DOCK3: variants seen among roughly 807,000 people sequenced by gnomAD.
DOCK3 encodes the protein dedicator of cytokinesis 3.
In DOCK3, 60 loss-of-function variants were observed where a neutral mutation model predicts 265.6. That is an observed-to-expected ratio of 0.23 (90% CI 0.18 to 0.28). The LOEUF is 0.28. Among genes scored for constraint, DOCK3 ranks in the 10% least tolerant of loss-of-function variants. The pLI, the probability that DOCK3 is intolerant of heterozygous loss-of-function variation, is 1.00. For missense variants in DOCK3, 1,981 were observed against 2,594.3 expected (o/e 0.76, Z 5.14); for synonymous variants, 881 against 938.0 (o/e 0.94, Z 1.11).
intron 3 of DOCK3, chr3:50,876,864 C>G (rs1282128754): frequency 6.5e-6 from 1 of 153,206 alleles, no homozygotes. Context: ...GCTTGTCCAA[C>G]TCATGGGCCA....
intron 1 of DOCK3, among the ~76,000 whole-genome samples, chr3:50,693,841 T>TA (rs2035428217): frequency 6.6e-6 from 1 of 151,826 alleles, no homozygotes; most frequent in African/African-American, 2.4e-5. Flanking sequence ...CTGGCCTTCC[T>TA]TTTCATATCA....
intron 35 of DOCK3, chr3:51,337,035 G>A (rs758702495): frequency 5.9e-5 from 23 of 390,096 alleles, no homozygotes; most frequent in Non-Finnish European, 9.2e-5. Context: ...CTCTGCTAGC[G>A]CTAAAGGGAC....
At chr3:50,959,697 A>G (rs1157369777) in intron 5 of DOCK3, among the ~76,000 whole-genome samples, 1 of 152,078 alleles carries the variant, frequency 6.6e-6, no homozygotes, top group Non-Finnish European at 1.5e-5. Flanking sequence ...CTCCTGCCTC[A>G]GCCTCCAGAG....
chr3:50,699,765 A>G (rs964541999), intron 1 of DOCK3, among the ~76,000 whole-genome samples: 3 of 152,156 alleles, frequency 2.0e-5, no homozygotes, highest in Non-Finnish European at 4.4e-5. Flanking sequence ...TGTGTCAGCT[A>G]TCAGGAAGGA....
chr3:50,894,089 C>T (rs1482065831), intron 4 of DOCK3, among the ~76,000 whole-genome samples: 4 of 151,580 alleles, frequency 2.6e-5, no homozygotes, highest in South Asian at 2.1e-4. Context: ...TGTAACAAAC[C>T]GGCACGTTGT....
At chr3:50,888,708 A>G (rs556806570) in intron 3 of DOCK3, among the ~76,000 whole-genome samples, 11 of 152,156 alleles carry the variant, frequency 7.2e-5, no homozygotes, top group East Asian at 1.9e-4. Context: ...ATAACTCCGC[A>G]TATCTACAAC....
intron 4 of DOCK3, among the ~76,000 whole-genome samples, chr3:50,902,391 T>C (rs990979258): frequency 1.3e-5 from 2 of 152,356 alleles, no homozygotes; most frequent in East Asian, 3.9e-4. Context: ...TTCAATTTTC[T>C]GCATATGGCT....
chr3:51,216,172 C>A (rs1439005422), intron 14 of DOCK3, among the ~76,000 whole-genome samples: 1 of 152,158 alleles, frequency 6.6e-6, no homozygotes, highest in Admixed American at 6.5e-5. Flanking sequence ...TCTTCACATA[C>A]TTCTGGGATT....
At chr3:50,773,261 C>T (rs997882020) in intron 1 of DOCK3, among the ~76,000 whole-genome samples, 2 of 152,114 alleles carry the variant, frequency 1.3e-5, no homozygotes, top group Non-Finnish European at 2.9e-5. Flanking sequence ...AGACTCCTAT[C>T]TCTTACCATT....
chr3:50,697,106 T>C (rs978383696), intron 1 of DOCK3, among the ~76,000 whole-genome samples: 1 of 151,806 alleles, frequency 6.6e-6, no homozygotes, highest in African/African-American at 2.4e-5. Flanking sequence ...AATTTTTGTA[T>C]TTTTAGTAGA....
intron 15 of DOCK3, among the ~76,000 whole-genome samples, chr3:51,226,934 A>G (rs1202991439): frequency 2.6e-5 from 4 of 152,206 alleles, no homozygotes; most frequent in Non-Finnish European, 5.9e-5. Context: ...AATGTTACAT[A>G]GAGTTGGCTT....
intron 5 of DOCK3, among the ~76,000 whole-genome samples, chr3:51,056,252 T>A (rs2081197537): frequency 1.3e-5 from 2 of 152,144 alleles, no homozygotes; most frequent in South Asian, 4.2e-4. Flanking sequence ...ATTATTTTTA[T>A]TTTATTTATT....
chr3:50,916,901 A>G (rs974779616), intron 4 of DOCK3, among the ~76,000 whole-genome samples: 8 of 151,242 alleles, frequency 5.3e-5, no homozygotes, highest in Non-Finnish European at 1.0e-4. Flanking sequence ...TCCCTTTATG[A>G]GGGGGACAAG....
chr3:51,289,181 T>C (rs2081592534), intron 27 of DOCK3, among the ~76,000 whole-genome samples: 1 of 152,144 alleles, frequency 6.6e-6, no homozygotes, highest in Non-Finnish European at 1.5e-5. Flanking sequence ...CTAAGCAAAC[T>C]AATGCAGGAA....
At chr3:51,350,628 A>G (rs1369850917) in intron 40 of DOCK3, among the ~76,000 whole-genome samples, 1 of 152,154 alleles carries the variant, frequency 6.6e-6, no homozygotes, top group Non-Finnish European at 1.5e-5. Context: ...TGGCTTTCTT[A>G]CTAAATCAAT....
intron 12 of DOCK3, among the ~76,000 whole-genome samples, chr3:51,208,188 G>A (rs116560218): frequency 0.015 from 2,283 of 152,328 alleles, 24 homozygotes; most frequent in South Asian, 0.027. Flanking sequence ...AGCTTTGTCT[G>A]CTAAGTCCTC....
Position 51,356,089 on chromosome 3 carries a change from A to C in DOCK3, c.4250A>C (p.Tyr1417Ser). The C allele has an allele frequency of 1.9e-6, 3 of 1,613,926 alleles. No individual in the cohort carries two copies. Among genetic ancestry groups the C allele is most frequent in the Non-Finnish European group, 2.5e-6 (3 of 1,179,852 alleles). Residue 1417 changes from tyrosine to serine, a missense_variant and splice_region_variant, in exon 42 of 53, where the codon TAC becomes TCC. Physicochemically the swap from Tyr to Ser is moderately radical, Grantham distance 144 (BLOSUM62 -2). This residue lies in a region of DOCK3 where 1,357 missense variants were observed against 1,866.8 expected (regional missense o/e 0.73). Coordinates refer to ENST00000266037, the MANE Select transcript of DOCK3 (RefSeq NM_004947.5). ...TGTTTCTCCTTCACTTCCTGCCCAG[A>C]CTTGCAGATCTATGCAGTGACGCCC... ...DDAILQCDAQYLQIYAVTPIP... is the reference protein window; with the variant it reads ...DDAILQCDAQSLQIYAVTPIP...
At chr3:50,823,619 C>T (rs1402734542) in intron 2 of DOCK3, among the ~76,000 whole-genome samples, 1 of 152,092 alleles carries the variant, frequency 6.6e-6, no homozygotes, top group Non-Finnish European at 1.5e-5. Context: ...CCCACCTTTC[C>T]CCCCTTGCTA....
intron 49 of DOCK3, among the ~76,000 whole-genome samples, chr3:51,367,738 C>T (rs2087333971): frequency 6.6e-6 from 1 of 152,162 alleles, no homozygotes; most frequent in Non-Finnish European, 1.5e-5. Context: ...TTTATTTCTC[C>T]TTCACTTATG....
Sources: gnomAD v4.1 joint callset for allele counts (sites outside exome capture counted in the v4.1 genomes callset) on GRCh38, gnomAD v4.1.1 for gene constraint, gnomAD v4.1.1 regional missense constraint, MANE v1.5 for transcripts, NCBI Gene and HGNC (gene_info 2026-07-23, HGNC 2026-07-21) for gene names.